Variants in DENND5A observed in about 807,000 individuals in gnomAD.
The protein encoded by DENND5A is DENN domain-containing protein 5A.
DENND5A carries 64 observed loss-of-function variants against 140.3 expected under a neutral mutation model. The observed-to-expected ratio is 0.46, with a 90% confidence interval of 0.37 to 0.56. DENND5A has a LOEUF of 0.56. Ranked by LOEUF, DENND5A falls within the 20% of genes least tolerant of loss-of-function variation. The pLI, the probability that DENND5A is intolerant of heterozygous loss-of-function variation, is 0.00. For synonymous variants in DENND5A, 605 were observed against 607.7 expected (o/e 1.00, Z 0.07); for missense variants, 1,292 against 1,593.8 (o/e 0.81, Z 3.22).
intron 1 of DENND5A, among the ~76,000 whole-genome samples, chr11:9,261,401 G>C (rs1852191507): frequency 6.6e-6 from 1 of 152,062 alleles, no homozygotes; most frequent in Admixed American, 6.6e-5. Context: ...ATCAGTTTGG[G>C]AGCTACAAGG....
chr11:9,221,951 G>T (rs1458171135), intron 1 of DENND5A, among the ~76,000 whole-genome samples: 3 of 151,382 alleles, frequency 2.0e-5, no homozygotes, highest in Non-Finnish European at 4.4e-5. Flanking sequence ...TAGAGATGAG[G>T]TTTCACAGTG....
chr11:9,259,056 T>C (rs1852075562), intron 1 of DENND5A, among the ~76,000 whole-genome samples: 1 of 151,042 alleles, frequency 6.6e-6, no homozygotes. Context: ...AGGTCAGGAG[T>C]TCAAGACCAG....
intron 1 of DENND5A, among the ~76,000 whole-genome samples, chr11:9,229,038 A>T (rs1015316835): frequency 6.6e-6 from 1 of 152,200 alleles, no homozygotes; most frequent in Admixed American, 6.5e-5. Flanking sequence ...CTGGGACTTT[A>T]CTGGCATCTG....
intron 22 of DENND5A, 127 bp downstream of exon 22, chr11:9,141,813 A>G: frequency 2.5e-6 from 2 of 786,898 alleles, no homozygotes; most frequent in Non-Finnish European, 3.7e-6. Context: ...GCTTCTAGGA[A>G]ACCTTCTAAG....
At chr11:9,263,099 C>A in intron 1 of DENND5A, among the ~76,000 whole-genome samples, 1 of 152,188 alleles carries the variant, frequency 6.6e-6, no homozygotes. Flanking sequence ...GACAAAAAGC[C>A]TAATATTAAT....
intron 15 of DENND5A, among the ~76,000 whole-genome samples, chr11:9,147,675 C>T (rs1264133854): frequency 6.6e-6 from 1 of 152,240 alleles, no homozygotes; most frequent in Non-Finnish European, 1.5e-5. Context: ...GGCTTCTGCT[C>T]CCGCCTCTGA....
intron 1 of DENND5A, among the ~76,000 whole-genome samples, chr11:9,263,413 G>A (rs923109806): frequency 6.6e-6 from 1 of 151,288 alleles, no homozygotes. Context: ...TAGAGACGGG[G>A]GTTTCACCAT....
At chr11:9,144,781 T>C (rs1590203741) in intron 18 of DENND5A, among the ~76,000 whole-genome samples, 1 of 142,198 alleles carries the variant, frequency 7.0e-6, no homozygotes, top group Middle Eastern at 3.9e-3. Context: ...AGAGCAAGAC[T>C]CCGTCTCAAA....
chr11:9,257,141 C>T (rs1415950647), intron 1 of DENND5A, among the ~76,000 whole-genome samples: 1 of 151,886 alleles, frequency 6.6e-6, no homozygotes, highest in Non-Finnish European at 1.5e-5. Context: ...TCCTGAGTAG[C>T]TGGGATTATA....
chr11:9,179,735 G>C (rs928499327), intron 6 of DENND5A, among the ~76,000 whole-genome samples: 1 of 152,124 alleles, frequency 6.6e-6, no homozygotes, highest in South Asian at 2.1e-4. Context: ...CCAACCTCTG[G>C]TGATCCTCCC....
chr11:9,155,993 C>T (rs1223720495), intron 12 of DENND5A, among the ~76,000 whole-genome samples: 1 of 152,130 alleles, frequency 6.6e-6, no homozygotes, highest in East Asian at 1.9e-4. Context: ...AGGAAGGTAC[C>T]CCCACAAGGG....
intron 16 of DENND5A, among the ~76,000 whole-genome samples, chr11:9,146,228 G>A (rs1407186329): frequency 2.0e-5 from 3 of 152,116 alleles, no homozygotes; most frequent in South Asian, 2.1e-4. Flanking sequence ...CTTTTTCCAA[G>A]GCACAGAGAA....
At position 9,214,525 on chromosome 11, in the gene DENND5A, T is replaced by C. The variant is rs112672663; in HGVS notation, c.110-6893A>G. On this transcript the variant is annotated intron_variant, in intron 1 of 22. Coordinates refer to ENST00000328194, the MANE Select transcript of DENND5A (RefSeq NM_015213.4). The stretch of plus-strand genomic sequence containing the variant: ...GGAAGCTATCACTCTTCCTTATCTC[T>C]TCTTCACATGAAATTGATTTTACAA... 2.0e-3 allele frequency among the ~76,000 whole-genome samples: 302 copies of C among 152,342 alleles called. 2 individuals are homozygous for C. Among genetic ancestry groups the C allele is most frequent in the Non-Finnish European group, 3.7e-3 (253 of 68,030 alleles).
intron 1 of DENND5A, among the ~76,000 whole-genome samples, chr11:9,255,024 T>C (rs988572634): frequency 6.6e-6 from 1 of 152,022 alleles, no homozygotes; most frequent in Non-Finnish European, 1.5e-5. Context: ...TGAGCCAAGA[T>C]CGTGCTACTG....
At chr11:9,238,854 T>G (rs1298431775) in intron 1 of DENND5A, among the ~76,000 whole-genome samples, 2 of 147,206 alleles carry the variant, frequency 1.4e-5, no homozygotes, top group Non-Finnish European at 3.0e-5. Context: ...TTTTGACACC[T>G]AATTTTCACT....
chr11:9,148,636 CA>C (rs1243776581), intron 15 of DENND5A, among the ~76,000 whole-genome samples: 18 of 152,174 alleles, frequency 1.2e-4, no homozygotes, highest in Admixed American at 1.2e-3. Flanking sequence ...TCCAAATTTT[CA>C]GTGTAGGTAC....
intron 11 of DENND5A, among the ~76,000 whole-genome samples, chr11:9,161,844 ATATAG>A (rs1847994007): frequency 1.3e-5 from 2 of 151,982 alleles, no homozygotes; most frequent in Non-Finnish European, 1.5e-5. Flanking sequence ...GTATAAAACA[ATATAG>A]TATATTTATA....
At chr11:9,235,345 C>T (rs1445040394) in intron 1 of DENND5A, among the ~76,000 whole-genome samples, 1 of 152,174 alleles carries the variant, frequency 6.6e-6, no homozygotes, top group African/African-American at 2.4e-5. Flanking sequence ...ACACATGCTA[C>T]AACATGGATG....
rs1396032846 is a variant in DENND5A, at chr11:9,142,119, T to C, written c.3512-11A>G. 6 of 1,564,416 alleles carry C rather than the reference T, an allele frequency of 3.8e-6. No individual in the cohort carries two copies. Among genetic ancestry groups the C allele is most frequent in the Non-Finnish European group, 5.2e-6 (6 of 1,151,132 alleles). ...AGGTTTGTGCTTTTTCTGTGAAGAGTAGAAAAGCTTGCCAGTGAAAAGGCT... is the reference window on the plus strand; with the variant it reads ...AGGTTTGTGCTTTTTCTGTGAAGAGCAGAAAAGCTTGCCAGTGAAAAGGCT... On this transcript the variant is annotated splice_polypyrimidine_tract_variant and intron_variant, in intron 21 of 22. Coordinates refer to ENST00000328194, the MANE Select transcript of DENND5A (RefSeq NM_015213.4).
Sources: gnomAD v4.1 joint callset for allele counts (sites outside exome capture counted in the v4.1 genomes callset) on GRCh38, gnomAD v4.1.1 for gene constraint, MANE v1.5 for transcripts, NCBI Gene and HGNC (gene_info 2026-07-23, HGNC 2026-07-21) for gene names.